Variants in NOX1 observed in about 807,000 individuals in gnomAD.
NOX1 encodes NADH/NADPH mitogenic oxidase subunit P65-MOX.
NOX1 carries 34 observed loss-of-function variants against 42.5 expected under a neutral mutation model. That is an observed-to-expected ratio of 0.80 (90% CI 0.61 to 1.07). NOX1 has a LOEUF of 1.07. Among genes scored for constraint, NOX1 ranks in the 50% least tolerant of loss-of-function variants. The pLI is 0.00. For missense variants in NOX1, 408 were observed against 427.0 expected, an observed-to-expected ratio of 0.96 and a Z score of 0.39; for synonymous variants, 143 against 152.5, an observed-to-expected ratio of 0.94 and a Z score of 0.46.
At chrX:100,851,808 G>C (rs912552125) in intron 7 of NOX1, among the ~76,000 whole-genome samples, 2 of 111,138 alleles carry the variant, frequency 1.8e-5, no homozygotes, top group African/African-American at 6.6e-5. Flanking sequence ...CAGCCACATG[G>C]GATGCTGAGG....
At chrX:100,855,539 G>T in intron 7 of NOX1, 2 of 744,317 alleles carry the variant, frequency 2.7e-6, no homozygotes, top group Admixed American at 2.3e-5. Flanking sequence ...CCTTGTTACA[G>T]CTGTCATAGC....
intron 7 of NOX1, chrX:100,855,455 A>T: frequency 2.7e-6 from 2 of 744,423 alleles, no homozygotes; most frequent in Non-Finnish European, 2.1e-6. Flanking sequence ...GATTGTTGTA[A>T]TTGCCAAAAT....
intron 7 of NOX1, among the ~76,000 whole-genome samples, chrX:100,857,338 A>G (rs1401119860): frequency 8.9e-6 from 1 of 112,102 alleles, no homozygotes; most frequent in East Asian, 2.8e-4. Context: ...TGCAATGAAC[A>G]CACAAGTGCA....
chrX:100,862,291 C>T lies in NOX1; in HGVS notation c.684G>A (p.Arg228=), dbSNP rs1402501387. Residue 228 remains arginine, a synonymous_variant, in exon 7 of 13, where the codon CGG becomes CGA. Transcript: ENST00000372966. Reference sequence around the variant, plus strand: ...CATTCATGCTCTCCTCTGTTTGACCCCGGACAATTCCACTGAAATAGACAA... The same window carrying T: ...CATTCATGCTCTCCTCTGTTTGACCTCGGACAATTCCACTGAAATAGACAA... ...LGIHGIGGIV[R]GQTEESMNES... The T allele has an allele frequency of 5.0e-6, 6 of 1,210,948 alleles. No individual in the cohort carries two copies. The highest frequency in any genetic ancestry group is 1.8e-5 in the South Asian group (1 of 56,909).
Position 100,843,822 on chromosome X carries a change from G to A in NOX1, c.*130C>T, listed in dbSNP as rs1159269901. The stretch of plus-strand genomic sequence containing the variant: ...ACGAAGTTGAATGCAATCAAAAAAA[G>A]AATACCAGGGAGTCAAGGCTTGAGA... On this transcript the variant is annotated 3_prime_UTR_variant, in exon 13 of 13. Coordinates refer to ENST00000372966, the MANE Select transcript of NOX1 (RefSeq NM_007052.5). 1 of 495,123 alleles carries A rather than the reference G, an allele frequency of 2.0e-6. No individual in the cohort carries two copies. The highest frequency in any genetic ancestry group is 2.5e-5 in the African/African-American group (1 of 40,794). The allele number at this position is 495,123 out of a possible 1,213,427, so 40.8% of individuals were successfully genotyped here. A position where few individuals can be genotyped will look rare whatever the true frequency, so the allele number is the denominator to read the frequency against.
chrX:100,872,452 C>G (rs866447855), intron 1 of NOX1, among the ~76,000 whole-genome samples: 1 of 111,782 alleles, frequency 8.9e-6, no homozygotes, highest in Non-Finnish European at 1.9e-5. Flanking sequence ...AGAAGGTAAA[C>G]TACAAGACCT....
chrX:100,870,582 C>T (rs2147922013), intron 2 of NOX1, 137 bp downstream of exon 2: 1 of 501,475 alleles, frequency 2.0e-6, no homozygotes, highest in East Asian at 3.5e-5. Flanking sequence ...ATCTGAAACT[C>T]AAAGTCAGTT....
chrX:100,867,142 T>C (rs1323792750), intron 2 of NOX1, among the ~76,000 whole-genome samples: 3 of 111,794 alleles, frequency 2.7e-5, no homozygotes, highest in East Asian at 2.8e-4. Context: ...ACGCCATTCT[T>C]CTGCCTCAGT....
In NOX1 at chrX:100,843,857, T is replaced by A; in HGVS notation, c.*95A>T. 1.3e-6 allele frequency: 1 copy of A among 746,371 alleles called. No individual in the cohort carries two copies. Among genetic ancestry groups the A allele is most frequent in the Non-Finnish European group, 2.0e-6 (1 of 512,551 alleles). The allele number at this position is 746,371 out of a possible 1,213,427, so 61.5% of individuals were successfully genotyped here. On this transcript the variant is annotated 3_prime_UTR_variant, in exon 13 of 13. Transcript: ENST00000372966. ...GAGTCAAGGCTTGAGAGGCACATTC[T>A]TATCCTAAAGTGACTGCTCAAACCT...
At chrX:100,856,635 C>A (rs527460421) in intron 7 of NOX1, among the ~76,000 whole-genome samples, 1 of 109,780 alleles carries the variant, frequency 9.1e-6, no homozygotes, top group South Asian at 4.0e-4. Flanking sequence ...TGCGGTGGTG[C>A]CATCACAGCT....
In NOX1 at chrX:100,851,115, C is replaced by A. The variant is rs377245282; in HGVS notation, c.897+118G>T. The A allele has an allele frequency of 3.9e-5, 18 of 459,473 alleles. 1 individual carries two copies. In the South Asian group the frequency reaches 7.0e-4, roughly 18 times the overall value. 37.9% of individuals were successfully genotyped at this position (459,473 alleles called of 1,213,427 possible). A position where few individuals can be genotyped will look rare whatever the true frequency, so the allele number is the denominator to read the frequency against. ...TTGGCCTCCCAAAGTGCTGGGACTA[C>A]CACCCACTGTGCCCAGTTTCCAAGT... On this transcript the variant is annotated intron_variant, in intron 8 of 12. Coordinates refer to ENST00000372966, the MANE Select transcript of NOX1 (RefSeq NM_007052.5).
At chrX:100,853,902 G>C (rs1406576863) in intron 7 of NOX1, among the ~76,000 whole-genome samples, 2 of 112,082 alleles carry the variant, frequency 1.8e-5, no homozygotes, top group Non-Finnish European at 3.8e-5. Context: ...CAACACTTTG[G>C]GAAGCCAAGG....
chrX:100,859,879 T>G (rs1445223742), intron 7 of NOX1, among the ~76,000 whole-genome samples: 1 of 109,038 alleles, frequency 9.2e-6, no homozygotes, highest in Non-Finnish European at 1.9e-5. Flanking sequence ...TATTCTTTAT[T>G]TGTGTAGCTA....
At chrX:100,860,248 G>A (rs1459638945) in intron 7 of NOX1, among the ~76,000 whole-genome samples, 1 of 111,925 alleles carries the variant, frequency 8.9e-6, no homozygotes, top group Non-Finnish European at 1.9e-5. Context: ...CTTGTTTCCA[G>A]TCTTTTTTTC....
At chrX:100,873,044 G>GA (rs1481983325) in intron 1 of NOX1, among the ~76,000 whole-genome samples, 7 of 101,690 alleles carry the variant, frequency 6.9e-5, no homozygotes, top group Non-Finnish European at 9.7e-5. Context: ...TGGTCGGGGG[G>GA]CGGGGGGGTA....
intron 12 of NOX1, 93 bp downstream of exon 12, chrX:100,848,537 C>T (rs1462896834): frequency 1.9e-5 from 16 of 862,319 alleles, no homozygotes; most frequent in Non-Finnish European, 2.4e-5. Context: ...GGTGATCCAC[C>T]CACTTCGGCC....
chrX:100,846,334 A>G (rs1262319685), intron 12 of NOX1, among the ~76,000 whole-genome samples: 1 of 112,391 alleles, frequency 8.9e-6, no homozygotes, highest in Non-Finnish European at 1.9e-5. Flanking sequence ...CTTCCTTGCC[A>G]ATACTATTGT....
intron 2 of NOX1, 31 bp from the exon 3 acceptor site, chrX:100,863,626 C>G: frequency 8.4e-7 from 1 of 1,185,218 alleles, no homozygotes. Flanking sequence ...AGACCATCAG[C>G]TGCTTCATTT....
At chrX:100,873,986 C>G in intron 1 of NOX1, 109 bp downstream of exon 1, 1 of 560,791 alleles carries the variant, frequency 1.8e-6, no homozygotes, top group Non-Finnish European at 2.9e-6. Flanking sequence ...TTGATGAGCC[C>G]AATAATCGGC....
Sources: allele counts gnomAD v4.1 joint callset (sites outside exome capture counted in the v4.1 genomes callset), GRCh38; gene constraint gnomAD v4.1.1; transcripts MANE v1.5; gene names NCBI Gene and HGNC (gene_info 2026-07-23, HGNC 2026-07-21).